Variants in ZNF708 observed in about 807,000 individuals in gnomAD.
The protein encoded by ZNF708 is zinc finger protein 708, also known as ZNF15, ZNF15L1.
Under a neutral mutation model 47.0 loss-of-function variants are expected in ZNF708, and 44 were observed. The ratio of observed to expected loss-of-function variants is 0.94; its 90% CI spans 0.74 to 1.20. The LOEUF is 1.20. Ranked by LOEUF, ZNF708 falls within the 50% of genes most tolerant of loss-of-function variation. ZNF708 has a pLI of 0.00. For synonymous variants in ZNF708, 184 were observed against 218.5 expected (o/e 0.84, Z 1.39); for missense variants, 557 against 656.0 (o/e 0.85, Z 1.65).
In ZNF708 at chr19:21,327,069, A is replaced by G. The variant is rs191834457; in HGVS notation, c.3+2141T>C. Among the ~76,000 whole-genome samples, 22 of 152,308 alleles carry G rather than the reference A, an allele frequency of 1.4e-4. No homozygotes were observed. The East Asian group carries it at 4.2e-3, about 29-fold the overall frequency. ...CTCACAAATAAAATACATGATTAAT[A>G]TTAATTTTTTCTGAAATCCACCTCT... On this transcript the variant is annotated intron_variant, in intron 1 of 3. Transcript: ENST00000356929.
intron 1 of ZNF708, among the ~76,000 whole-genome samples, chr19:21,312,483 T>A (rs573434979): frequency 6.6e-6 from 1 of 151,898 alleles, no homozygotes; most frequent in Non-Finnish European, 1.5e-5. Flanking sequence ...AAATACAACA[T>A]GGATGTGTCC....
At chr19:21,319,750 A>G (rs1286950131) in intron 1 of ZNF708, among the ~76,000 whole-genome samples, 3 of 152,208 alleles carry the variant, frequency 2.0e-5, no homozygotes, top group Non-Finnish European at 2.9e-5. Context: ...AAAACACCCA[A>G]TGAGATACCA....
rs1467068376 is a variant in ZNF708 at position 21,291,373 on chromosome 19, C to T, written c.*1901G>A. 2 of 151,964 alleles carry T rather than the reference C, an allele frequency of 1.3e-5. No homozygotes were observed. The highest frequency in any genetic ancestry group is 2.9e-5 in the Non-Finnish European group (2 of 68,008). 9.4% of individuals were successfully genotyped at this position (151,964 alleles called of 1,614,324 possible). On this transcript the variant is annotated 3_prime_UTR_variant, in exon 4 of 4. Coordinates refer to ENST00000356929, the MANE Select transcript of ZNF708 (RefSeq NM_021269.3). ...CATCATGCATGTTACATTTTAATGT[C>T]CTTACTCTTCCAAAGAAAAGGTCAT... is the stretch of plus-strand genomic sequence containing the variant.
intron 3 of ZNF708, among the ~76,000 whole-genome samples, chr19:21,306,320 A>G (rs894678633): frequency 1.3e-5 from 2 of 149,930 alleles, no homozygotes; most frequent in African/African-American, 4.9e-5. Context: ...TTTGCAAATC[A>G]CAAGAGATGA....
intron 1 of ZNF708, among the ~76,000 whole-genome samples, chr19:21,324,173 G>A (rs1447296160): frequency 6.6e-6 from 1 of 152,068 alleles, no homozygotes; most frequent in Non-Finnish European, 1.5e-5. Flanking sequence ...GAACCCGGGA[G>A]GTGGACCTTG....
chr19:21,324,217 C>G (rs953874427), intron 1 of ZNF708, among the ~76,000 whole-genome samples: 6 of 151,510 alleles, frequency 4.0e-5, no homozygotes, highest in African/African-American at 1.2e-4. Flanking sequence ...GCACTCCAGC[C>G]TGGCTACAGA....
intron 1 of ZNF708, among the ~76,000 whole-genome samples, chr19:21,313,358 A>G (rs915613837): frequency 6.6e-6 from 1 of 151,898 alleles, no homozygotes; most frequent in African/African-American, 2.4e-5. Flanking sequence ...TTTAACTCTC[A>G]TAACATCATG....
intron 3 of ZNF708, among the ~76,000 whole-genome samples, chr19:21,296,133 G>A (rs1183063264): frequency 6.6e-6 from 1 of 151,958 alleles, no homozygotes; most frequent in African/African-American, 2.4e-5. Context: ...AAACTGGAAG[G>A]CCTGAAGAGA....
At chr19:21,308,280 CTT>C (rs781493370) in intron 3 of ZNF708, among the ~76,000 whole-genome samples, 20 of 137,580 alleles carry the variant, frequency 1.5e-4, no homozygotes, top group Admixed American at 2.2e-4. Flanking sequence ...TATAATAAAT[CTT>C]TTTTTTTTTT....
intron 2 of ZNF708, among the ~76,000 whole-genome samples, chr19:21,309,739 G>T (rs1972858251): frequency 6.6e-6 from 1 of 151,992 alleles, no homozygotes; most frequent in Non-Finnish European, 1.5e-5. Context: ...GAATGTAATA[G>T]AATATTCTAG....
At chr19:21,310,130 A>G (rs1445157836) in intron 2 of ZNF708, among the ~76,000 whole-genome samples, 4 of 152,154 alleles carry the variant, frequency 2.6e-5, no homozygotes, top group Non-Finnish European at 4.4e-5. Context: ...CCTTTAGAGT[A>G]TATTAGGAAT....
intron 3 of ZNF708, among the ~76,000 whole-genome samples, chr19:21,306,446 C>G (rs1039776859): frequency 1.3e-5 from 2 of 149,746 alleles, no homozygotes; most frequent in South Asian, 2.1e-4. Context: ...AAAAAGATAC[C>G]CAAATGGGAA....
chr19:21,326,521 A>G (rs1291223347), intron 1 of ZNF708, among the ~76,000 whole-genome samples: 5 of 152,258 alleles, frequency 3.3e-5, no homozygotes, highest in East Asian at 3.8e-4. Context: ...ATGCAAAGGC[A>G]TAAGAATGAT....
In ZNF708 at chr19:21,329,301, G is replaced by A. The variant is rs1239564993; in HGVS notation, c.-89C>T. Reference sequence around the variant, plus strand: ...AGCCACAGAGTCTGGGCCTCTAGGAGCAGAGGACAAACAGCAGTGAAGACG... The same window carrying A: ...AGCCACAGAGTCTGGGCCTCTAGGAACAGAGGACAAACAGCAGTGAAGACG... On this transcript the variant is annotated 5_prime_UTR_variant, in exon 1 of 4. Transcript: ENST00000356929. 1.9e-6 allele frequency: 3 copies of A among 1,573,380 alleles called. No individual in the cohort carries two copies. In the East Asian group the frequency reaches 6.8e-5, roughly 36 times the overall value.
At chr19:21,297,720 C>T (rs1010684903) in intron 3 of ZNF708, among the ~76,000 whole-genome samples, 7 of 151,170 alleles carry the variant, frequency 4.6e-5, no homozygotes, top group African/African-American at 9.7e-5. Flanking sequence ...GATTCATTTG[C>T]CTTTTTGCAA....
At chr19:21,308,534 C>T (rs1032768014) in intron 3 of ZNF708, among the ~76,000 whole-genome samples, 1 of 152,110 alleles carries the variant, frequency 6.6e-6, no homozygotes, top group Non-Finnish European at 1.5e-5. Context: ...CCATCTCGGC[C>T]TCCCACAGTG....
At position 21,327,480 on chromosome 19, in the gene ZNF708, C is replaced by T. The variant is rs1480655094; in HGVS notation, c.3+1730G>A. The stretch of plus-strand genomic sequence containing the variant: ...CTGGGAGGCGGAGGTTGCGGTGACC[C>T]GAGATCGTGCCATTGCACTCCAGCC... On this transcript the variant is annotated intron_variant, in intron 1 of 3. Coordinates refer to ENST00000356929, the MANE Select transcript of ZNF708 (RefSeq NM_021269.3). Among the ~76,000 whole-genome samples, 13 of 149,612 alleles carry T rather than the reference C, an allele frequency of 8.7e-5. No homozygotes were observed. In the East Asian group the frequency reaches 1.4e-3, roughly 16 times the overall value.
chr19:21,304,635 C>G (rs775900234), intron 3 of ZNF708, among the ~76,000 whole-genome samples: 14 of 152,116 alleles, frequency 9.2e-5, no homozygotes, highest in Non-Finnish European at 1.9e-4. Context: ...TATCTATAAT[C>G]TCAACACTTT....
rs113742713 is a variant in ZNF708 at position 21,303,622 on chromosome 19, T to C, written c.226+5624A>G. ...ATAAAAAAGAAAAAGAAATAAAACA[T>C]CTGAGTAACTGGAAAAAAGCATACA... is the stretch of plus-strand genomic sequence containing the variant. On this transcript the variant is annotated intron_variant, in intron 3 of 3. Coordinates refer to ENST00000356929, the MANE Select transcript of ZNF708 (RefSeq NM_021269.3). Among the ~76,000 whole-genome samples, 983 of 151,650 alleles carry C rather than the reference T, an allele frequency of 6.5e-3. 18 individuals carry two copies. Among genetic ancestry groups the C allele is most frequent in the African/African-American group, 0.022 (905 of 41,426 alleles).
Sources: allele counts gnomAD v4.1 joint callset (sites outside exome capture counted in the v4.1 genomes callset), GRCh38; gene constraint gnomAD v4.1.1; transcripts MANE v1.5; gene names NCBI Gene and HGNC (gene_info 2026-07-23, HGNC 2026-07-21).